LMBRD2: variants seen among roughly 807,000 people sequenced by gnomAD.
LMBRD2 encodes the protein G protein-coupled receptor-associated protein LMBRD2.
LMBRD2 carries 55 observed loss-of-function variants against 94.4 expected under a neutral mutation model. The ratio of observed to expected loss-of-function variants is 0.58; its 90% CI spans 0.47 to 0.73. The LOEUF is 0.73. Among genes scored for constraint, LMBRD2 ranks in the 30% least tolerant of loss-of-function variants. LMBRD2 has a pLI of 0.00. For synonymous variants in LMBRD2, 246 were observed against 272.4 expected, an observed-to-expected ratio of 0.90 and a Z score of 0.95; for missense variants, 640 against 831.9, an observed-to-expected ratio of 0.77 and a Z score of 2.84.
At chr5:36,110,794 T>C (rs534322044) in intron 14 of LMBRD2, among the ~76,000 whole-genome samples, 2 of 152,218 alleles carry the variant, frequency 1.3e-5, no homozygotes, top group South Asian at 4.1e-4. Flanking sequence ...TGATTTCCCA[T>C]GCAGTATCAA....
chr5:36,134,951 T>C (rs1744235495), intron 6 of LMBRD2, among the ~76,000 whole-genome samples: 1 of 152,112 alleles, frequency 6.6e-6, no homozygotes, highest in Non-Finnish European at 1.5e-5. Flanking sequence ...AGAAAGACAA[T>C]GTGTGTAATA....
chr5:36,129,431 T>G (rs1744082169), intron 6 of LMBRD2, among the ~76,000 whole-genome samples: 1 of 151,578 alleles, frequency 6.6e-6, no homozygotes, highest in East Asian at 1.9e-4. Flanking sequence ...AGTGGAAACC[T>G]TACAGGCCAG....
In LMBRD2 at chr5:36,100,888, G is replaced by A. The variant is rs1743333296; in HGVS notation, c.*3158C>T. On this transcript the variant is annotated 3_prime_UTR_variant, in exon 18 of 18. Transcript: ENST00000296603. ...GTAAATTAAATTGCTCCATTAATATGCTAAAATATACTTTTAAAAAACCAC... is the reference window on the plus strand; with the variant it reads ...GTAAATTAAATTGCTCCATTAATATACTAAAATATACTTTTAAAAAACCAC... The A allele has an allele frequency of 6.6e-6, 1 of 151,988 alleles. No individual in the cohort carries two copies. The highest frequency in any genetic ancestry group is 1.5e-5 in the Non-Finnish European group (1 of 67,948). 9.4% of individuals were successfully genotyped at this position (151,988 alleles called of 1,614,324 possible). A position where few individuals can be genotyped will look rare whatever the true frequency, so the allele number is the denominator to read the frequency against.
intron 9 of LMBRD2, among the ~76,000 whole-genome samples, chr5:36,120,023 T>C (rs1384714268): frequency 6.6e-6 from 1 of 152,068 alleles, no homozygotes; most frequent in Non-Finnish European, 1.5e-5. Flanking sequence ...CTCTCTTTCT[T>C]TCTTTTTGTC....
chr5:36,113,073 C>T (rs1478452400), intron 13 of LMBRD2, among the ~76,000 whole-genome samples: 1 of 152,076 alleles, frequency 6.6e-6, no homozygotes, highest in Non-Finnish European at 1.5e-5. Context: ...CTATTTCTGC[C>T]TCCAAAGAAA....
In LMBRD2 at chr5:36,098,965, T is replaced by A. The variant is rs928363550; in HGVS notation, c.*5081A>T. 4 of 152,140 alleles carry A rather than the reference T, an allele frequency of 2.6e-5. No homozygotes were observed. Among genetic ancestry groups the A allele is most frequent in the African/African-American group, 9.6e-5 (4 of 41,460 alleles). The allele number at this position is 152,140 out of a possible 1,614,324, so 9.4% of individuals were successfully genotyped here. On this transcript the variant is annotated 3_prime_UTR_variant, in exon 18 of 18. Coordinates refer to ENST00000296603, the MANE Select transcript of LMBRD2 (RefSeq NM_001007527.2). ...AACATTTTGAAAAATTATGATCATA[T>A]GCACATTTGAAAAGATTAATTTTCT...
At chr5:36,111,333 A>G (rs187547527) in intron 13 of LMBRD2, 75 bp from the exon 14 acceptor site, 2 of 971,806 alleles carry the variant, frequency 2.1e-6, no homozygotes, top group Admixed American at 2.1e-5. Flanking sequence ...GTTCTTTAGC[A>G]TTGTCACTCC....
chr5:36,125,032 G>T (rs1743977566), intron 6 of LMBRD2, among the ~76,000 whole-genome samples: 1 of 152,126 alleles, frequency 6.6e-6, no homozygotes, highest in African/African-American at 2.4e-5. Context: ...TAGGTGTAAG[G>T]CCCCCGTAAT....
rs938553846 is a variant in LMBRD2 at position 36,102,231 on chromosome 5, C to G, written c.*1815G>C. 6 of 151,880 alleles carry G rather than the reference C, an allele frequency of 4.0e-5. No homozygotes were observed. Among genetic ancestry groups the G allele is most frequent in the African/African-American group, 1.4e-4 (6 of 41,422 alleles). The allele number at this position is 151,880 out of a possible 1,614,324, so 9.4% of individuals were successfully genotyped here. On this transcript the variant is annotated 3_prime_UTR_variant, in exon 18 of 18. Coordinates refer to ENST00000296603, the MANE Select transcript of LMBRD2 (RefSeq NM_001007527.2). Reference sequence around the variant, plus strand: ...AATAGCACAGTTATAAACTCCAGTACATAAACACCAATTCAACTTCCTCAC... The same window carrying G: ...AATAGCACAGTTATAAACTCCAGTAGATAAACACCAATTCAACTTCCTCAC...
In LMBRD2 at chr5:36,114,299, C is replaced by A. The variant is rs988271389; in HGVS notation, c.1640+125G>T. On this transcript the variant is annotated intron_variant, in intron 13 of 17. Transcript: ENST00000296603. Reference sequence around the variant, plus strand: ...CACTCAAGTAGTCCCTTCAAACTATCCCCAGCTTCTCCAAAGCTACAATGA... The same window carrying A: ...CACTCAAGTAGTCCCTTCAAACTATACCCAGCTTCTCCAAAGCTACAATGA... The A allele has an allele frequency of 2.5e-5, 30 of 1,184,144 alleles. No individual in the cohort carries two copies. The African/African-American group carries it at 4.3e-4, about 17-fold the overall frequency. The allele number at this position is 1,184,144 out of a possible 1,614,324, so 73.4% of individuals were successfully genotyped here.
At chr5:36,112,397 T>C (rs1369338311) in intron 13 of LMBRD2, among the ~76,000 whole-genome samples, 1 of 152,160 alleles carries the variant, frequency 6.6e-6, no homozygotes, top group Non-Finnish European at 1.5e-5. Flanking sequence ...TCTAGGCAGG[T>C]AGGTCTGAAT....
intron 4 of LMBRD2, among the ~76,000 whole-genome samples, chr5:36,139,235 T>G (rs1744345225): frequency 6.6e-6 from 1 of 152,210 alleles, no homozygotes; most frequent in Non-Finnish European, 1.5e-5. Context: ...CCTAGCTGGG[T>G]GTGCACACAT....
rs2111899705 is a variant in LMBRD2, at chr5:36,136,390, T to C, written c.666A>G (p.Leu222=). 6.2e-7 allele frequency: 1 copy of C among 1,614,100 alleles called. No individual in the cohort carries two copies. Among genetic ancestry groups the C allele is most frequent in the Non-Finnish European group, 8.5e-7 (1 of 1,179,952 alleles). Residue 222 remains leucine (L), a synonymous_variant, in exon 6 of 18, where the codon CTA becomes CTG. Coordinates refer to ENST00000296603, the MANE Select transcript of LMBRD2 (RefSeq NM_001007527.2). ...SYWNGAKRGY[L]LMKTYFKAAK... ...CTGCCTTAAAATACGTTTTCATAAGTAGATAACCCCTTTTTGCTCCATTCC... is the reference window on the plus strand; with the variant it reads ...CTGCCTTAAAATACGTTTTCATAAGCAGATAACCCCTTTTTGCTCCATTCC...
At chr5:36,115,838 C>T (rs898119387) in intron 11 of LMBRD2, among the ~76,000 whole-genome samples, 2 of 152,018 alleles carry the variant, frequency 1.3e-5, no homozygotes, top group African/African-American at 2.4e-5. Flanking sequence ...CTGGGGGTAG[C>T]GTGAAGGTTA....
rs1744518253 is a variant in LMBRD2 at position 36,145,584 on chromosome 5, G to A, written c.-57-2178C>T. Among the ~76,000 whole-genome samples the A allele has an allele frequency of 2.0e-5, 3 of 152,284 alleles. No homozygotes were observed. The South Asian group carries it at 6.2e-4, about 32-fold the overall frequency. On this transcript the variant is annotated intron_variant, in intron 1 of 17. Coordinates refer to ENST00000296603, the MANE Select transcript of LMBRD2 (RefSeq NM_001007527.2). ...GTTGGCTGAAAGCTCAATGCAGAATGTGCTGATAACAAAACCATCTTCGAG... is the reference window on the plus strand; with the variant it reads ...GTTGGCTGAAAGCTCAATGCAGAATATGCTGATAACAAAACCATCTTCGAG...
intron 6 of LMBRD2, among the ~76,000 whole-genome samples, chr5:36,125,674 A>T (rs1743992499): frequency 6.6e-6 from 1 of 152,220 alleles, no homozygotes; most frequent in Non-Finnish European, 1.5e-5. Flanking sequence ...ACATCTATTG[A>T]AATTTAGAAT....
chr5:36,118,503 TTTAGGAA>T (rs1743811186), intron 9 of LMBRD2, among the ~76,000 whole-genome samples: 1 of 152,014 alleles, frequency 6.6e-6, no homozygotes, highest in East Asian at 1.9e-4. Flanking sequence ...CACGGAAACA[TTTAGGAA>T]CAAGGAGGCA....
chr5:36,109,154 A>G (rs1204665268), intron 15 of LMBRD2, among the ~76,000 whole-genome samples: 1 of 152,146 alleles, frequency 6.6e-6, no homozygotes, highest in East Asian at 1.9e-4. Context: ...AAGGGACATT[A>G]GAAGTCACCT....
intron 4 of LMBRD2, 138 bp downstream of exon 4, chr5:36,140,969 C>A: frequency 1.8e-6 from 1 of 564,874 alleles, no homozygotes; most frequent in South Asian, 2.4e-5. Flanking sequence ...GTTTGGAGCA[C>A]AGCAGAAAGA....
Sources: allele counts gnomAD v4.1 joint callset (sites outside exome capture counted in the v4.1 genomes callset), GRCh38; gene constraint gnomAD v4.1.1; transcripts MANE v1.5; gene names NCBI Gene and HGNC (gene_info 2026-07-23, HGNC 2026-07-21).